Variants in ITGA9 observed in about 807,000 individuals in gnomAD.
The protein encoded by ITGA9 is integrin alpha-9.
ITGA9 carries 56 observed loss-of-function variants against 127.8 expected under a neutral mutation model. The ratio of observed to expected loss-of-function variants is 0.44; its 90% CI spans 0.35 to 0.55. The LOEUF (loss-of-function observed/expected upper bound fraction) is 0.55, where lower values mean the gene tolerates loss of function less well. ITGA9 is among the 20% of genes least tolerant of loss of function. The probability of loss-of-function intolerance (pLI) is 0.00; values close to 1 mark genes in which losing one functional copy is unlikely to be tolerated. For synonymous variants in ITGA9, 508 were observed against 514.5 expected (o/e 0.99, Z 0.17); for missense variants, 1,196 against 1,347.1 (o/e 0.89, Z 1.76).
chr3:37,809,694 G>A (rs1182955573), intron 27 of ITGA9, among the ~76,000 whole-genome samples: 2 of 151,954 alleles, frequency 1.3e-5, no homozygotes, highest in Non-Finnish European at 2.9e-5. Context: ...CTTTATAAGA[G>A]GTTAAAAGGG....
chr3:37,800,948 C>T (rs986334352), intron 26 of ITGA9, among the ~76,000 whole-genome samples: 9 of 151,812 alleles, frequency 5.9e-5, no homozygotes, highest in Non-Finnish European at 1.2e-4. Flanking sequence ...GCCAGGAGTT[C>T]GAGGCCAGGA....
At chr3:37,455,957 C>A (rs1698253008) in intron 1 of ITGA9, among the ~76,000 whole-genome samples, 1 of 152,166 alleles carries the variant, frequency 6.6e-6, no homozygotes. Flanking sequence ...CATAACTGAG[C>A]ATTTCTCTCA....
At chr3:37,551,615 A>T (rs963317532) in intron 15 of ITGA9, among the ~76,000 whole-genome samples, 6 of 152,114 alleles carry the variant, frequency 3.9e-5, no homozygotes, top group African/African-American at 1.4e-4. Flanking sequence ...TTCTCCACCC[A>T]TTCCCACGGC....
intron 4 of ITGA9, among the ~76,000 whole-genome samples, chr3:37,491,085 T>C (rs1471761228): frequency 2.0e-5 from 3 of 148,674 alleles, no homozygotes; most frequent in Non-Finnish European, 3.0e-5. Context: ...CAAGCCATCC[T>C]CCCACCTCAG....
intron 23 of ITGA9, among the ~76,000 whole-genome samples, chr3:37,755,644 G>A (rs1474624978): frequency 6.6e-6 from 1 of 151,976 alleles, no homozygotes; most frequent in African/African-American, 2.4e-5. Context: ...ATAAAGTAGG[G>A]GATTCGAAAC....
At chr3:37,687,134 G>T (rs930430241) in intron 18 of ITGA9, among the ~76,000 whole-genome samples, 1 of 152,130 alleles carries the variant, frequency 6.6e-6, no homozygotes, top group African/African-American at 2.4e-5. Flanking sequence ...CAAAAAAAAT[G>T]AACAAAGTGG....
chr3:37,609,734 C>G (rs1700000035), intron 15 of ITGA9, among the ~76,000 whole-genome samples: 2 of 152,184 alleles, frequency 1.3e-5, no homozygotes, highest in African/African-American at 4.8e-5. Context: ...AGGACCTCAG[C>G]TGGGAGAGAC....
chr3:37,781,899 G>A (rs1291350234), intron 25 of ITGA9, among the ~76,000 whole-genome samples: 2 of 152,202 alleles, frequency 1.3e-5, no homozygotes, highest in Non-Finnish European at 2.9e-5. Context: ...CCTGAAGAGA[G>A]CTGTGCATAG....
chr3:37,795,646 A>G lies in ITGA9; in HGVS notation c.2890-8177A>G, dbSNP rs1697162893. 2.0e-5 allele frequency among the ~76,000 whole-genome samples: 3 copies of G among 152,160 alleles called. No individual in the cohort carries two copies. The South Asian group carries it at 6.2e-4, about 32-fold the overall frequency. ...CGTCCAGTGTGTGAGCCCTCCAGCC[A>G]GGGTCCGCACCAGGCCATCAGCCAT... On this transcript the variant is annotated intron_variant, in intron 26 of 27. Coordinates refer to ENST00000264741, the MANE Select transcript of ITGA9 (RefSeq NM_002207.3).
At chr3:37,696,112 T>G (rs1700882504) in intron 18 of ITGA9, among the ~76,000 whole-genome samples, 1 of 152,200 alleles carries the variant, frequency 6.6e-6, no homozygotes, top group Admixed American at 6.5e-5. Flanking sequence ...CACATATATC[T>G]CATTGGCCAG....
chr3:37,510,413 C>T (rs569021736), intron 8 of ITGA9, among the ~76,000 whole-genome samples: 1 of 152,266 alleles, frequency 6.6e-6, no homozygotes, highest in African/African-American at 2.4e-5. Context: ...ACTGTCTGTG[C>T]CCTGGGGAGG....
intron 19 of ITGA9, among the ~76,000 whole-genome samples, chr3:37,735,829 C>T (rs965535253): frequency 3.3e-5 from 5 of 152,276 alleles, no homozygotes; most frequent in Middle Eastern, 3.4e-3. Context: ...GATACGTGGA[C>T]GCAGCACTGA....
At chr3:37,469,253 A>T (rs1698403283) in intron 1 of ITGA9, among the ~76,000 whole-genome samples, 1 of 152,196 alleles carries the variant, frequency 6.6e-6, no homozygotes, top group Non-Finnish European at 1.5e-5. Flanking sequence ...GATGGAGGAT[A>T]CAGAGGTTCA....
At chr3:37,714,152 G>A (rs1701108204) in intron 18 of ITGA9, among the ~76,000 whole-genome samples, 1 of 152,212 alleles carries the variant, frequency 6.6e-6, no homozygotes, top group African/African-American at 2.4e-5. Flanking sequence ...CATGGATATT[G>A]CCAAGTAGCC....
chr3:37,729,422 A>T (rs189959865), intron 18 of ITGA9, among the ~76,000 whole-genome samples: 98 of 152,298 alleles, frequency 6.4e-4, no homozygotes, highest in Non-Finnish European at 9.8e-4. Context: ...CCTCACCAAG[A>T]TCCAACCAGA....
At chr3:37,766,767 TATTTC>T (rs1289193134) in intron 23 of ITGA9, among the ~76,000 whole-genome samples, 2 of 152,342 alleles carry the variant, frequency 1.3e-5, no homozygotes, top group East Asian at 3.9e-4. Context: ...GCTTCCAAAA[TATTTC>T]ATTATCTGTG....
At position 37,673,052 on chromosome 3, in the gene ITGA9, A is replaced by C. The variant is rs142269036; in HGVS notation, c.1917-10813A>C. On this transcript the variant is annotated intron_variant, in intron 17 of 27. Transcript: ENST00000264741. ...GAAAATTGATATTCATATTCTAAATAATTCCATGTTTCACTGAAATCTGCA... is the reference window on the plus strand; with the variant it reads ...GAAAATTGATATTCATATTCTAAATCATTCCATGTTTCACTGAAATCTGCA... 3.1e-3 allele frequency among the ~76,000 whole-genome samples: 478 copies of C among 152,320 alleles called. 1 individual carries two copies. Among genetic ancestry groups the C allele is most frequent in the African/African-American group, 9.7e-3 (404 of 41,572 alleles).
intron 1 of ITGA9, among the ~76,000 whole-genome samples, chr3:37,463,844 G>A (rs757864161): frequency 6.6e-6 from 1 of 152,084 alleles, no homozygotes; most frequent in African/African-American, 2.4e-5. Flanking sequence ...AGGGAACAAG[G>A]TTCTATTAAC....
intron 15 of ITGA9, among the ~76,000 whole-genome samples, chr3:37,584,865 T>A (rs1205058095): frequency 6.6e-6 from 1 of 152,160 alleles, no homozygotes; most frequent in African/African-American, 2.4e-5. Flanking sequence ...CCTTAGTGGC[T>A]ATGTTGGCTA....
Sources: gnomAD v4.1 joint callset for allele counts (sites outside exome capture counted in the v4.1 genomes callset) on GRCh38, gnomAD v4.1.1 for gene constraint, MANE v1.5 for transcripts, NCBI Gene and HGNC (gene_info 2026-07-23, HGNC 2026-07-21) for gene names.